Variants in UBE2G1 observed in about 807,000 individuals in gnomAD.
The protein encoded by UBE2G1 is ubiquitin conjugating enzyme E2 G1.
Under a neutral mutation model 22.7 loss-of-function variants are expected in UBE2G1, and 5 were observed. That is an observed-to-expected ratio of 0.22 (90% confidence interval 0.12 to 0.46). UBE2G1 has a LOEUF of 0.46. Ranked by LOEUF, UBE2G1 falls within the 20% of genes least tolerant of loss-of-function variation. The pLI is 0.99. For missense variants in UBE2G1, 88 were observed against 203.9 expected (o/e 0.43, Z 3.46); for synonymous variants, 74 against 67.5 (o/e 1.10, Z -0.47).
intron 2 of UBE2G1, chr17:4,302,428 G>C (rs896487097): frequency 2.0e-6 from 1 of 506,060 alleles, no homozygotes; most frequent in Non-Finnish European, 4.0e-6. Context: ...TTGGCCAACA[G>C]TGGCATCTGT....
At position 4,308,352 on chromosome 17, in the gene UBE2G1, T is replaced by G. The variant is rs369219561; in HGVS notation, c.47-1229A>C. 1.3e-4 allele frequency among the ~76,000 whole-genome samples: 19 copies of G among 150,018 alleles called. No homozygotes were observed. In the East Asian group the frequency reaches 1.8e-3, roughly 14 times the overall value. ...CGGGCAACAAGGGCAAAACTCTGTC[T>G]CAAAAAATATATAAATAAATAAATT... is the stretch of plus-strand genomic sequence containing the variant. On this transcript the variant is annotated intron_variant, in intron 1 of 5. Coordinates refer to ENST00000396981, the MANE Select transcript of UBE2G1 (RefSeq NM_003342.5).
intron 2 of UBE2G1, among the ~76,000 whole-genome samples, chr17:4,299,002 C>T (rs1309126149): frequency 6.6e-6 from 1 of 151,952 alleles, no homozygotes; most frequent in African/African-American, 2.4e-5. Flanking sequence ...TAAGTTAGTG[C>T]CAAAATGGGT....
At position 4,272,384 on chromosome 17, in the gene UBE2G1, T is replaced by C. The variant is rs1968771245; in HGVS notation, c.*170A>G. The C allele has an allele frequency of 5.4e-6, 1 of 186,498 alleles. No homozygotes were observed. 11.6% of individuals were successfully genotyped at this position (186,498 alleles called of 1,614,324 possible). A position where few individuals can be genotyped will look rare whatever the true frequency, so the allele number is the denominator to read the frequency against. ...CTGTAAGTTGGCACTTGTTAGGCTC[T>C]TGTCAGCATTGATAACTGGCATGTT... is the stretch of plus-strand genomic sequence containing the variant. On this transcript the variant is annotated 3_prime_UTR_variant, in exon 6 of 6. Coordinates refer to ENST00000396981, the MANE Select transcript of UBE2G1 (RefSeq NM_003342.5).
rs1298792674 is a variant in UBE2G1 at position 4,310,123 on chromosome 17, A to T, written c.47-3000T>A. Among the ~76,000 whole-genome samples the T allele has an allele frequency of 2.6e-5, 4 of 152,244 alleles. No individual in the cohort carries two copies. The East Asian group carries it at 7.7e-4, about 29-fold the overall frequency. On this transcript the variant is annotated intron_variant, in intron 1 of 5. Transcript: ENST00000396981. ...AGGCTTAATCCATTTAAAGTGATAGAACCTTACCATGCCTTCATGAATGCT... is the reference window on the plus strand; with the variant it reads ...AGGCTTAATCCATTTAAAGTGATAGTACCTTACCATGCCTTCATGAATGCT...
chr17:4,292,200 C>A (rs537412424), intron 3 of UBE2G1, among the ~76,000 whole-genome samples: 2 of 151,676 alleles, frequency 1.3e-5, no homozygotes, highest in Admixed American at 1.3e-4. Context: ...GTGGCACGCA[C>A]CTGTAATCCC....
intron 5 of UBE2G1, among the ~76,000 whole-genome samples, chr17:4,274,319 T>A (rs1407602945): frequency 2.6e-5 from 4 of 151,190 alleles, no homozygotes; most frequent in Non-Finnish European, 5.9e-5. Context: ...TGCCTCAGCC[T>A]CCCGAGTAGC....
intron 2 of UBE2G1, chr17:4,301,959 T>C: frequency 2.1e-6 from 1 of 481,788 alleles, no homozygotes; most frequent in Non-Finnish European, 4.1e-6. Flanking sequence ...AAATGTATTC[T>C]TTCACTAATC....
intron 5 of UBE2G1, among the ~76,000 whole-genome samples, chr17:4,273,483 G>A (rs976727248): frequency 4.6e-5 from 7 of 152,068 alleles, no homozygotes; most frequent in African/African-American, 1.7e-4. Flanking sequence ...TGGGACCACA[G>A]GCACACACCA....
intron 2 of UBE2G1, among the ~76,000 whole-genome samples, chr17:4,298,977 T>A (rs1969142600): frequency 6.6e-6 from 1 of 152,208 alleles, no homozygotes; most frequent in African/African-American, 2.4e-5. Context: ...TATCTACTGA[T>A]CCTGTTGCTC....
chr17:4,327,636 A>C (rs1969517878), intron 1 of UBE2G1, among the ~76,000 whole-genome samples: 1 of 152,186 alleles, frequency 6.6e-6, no homozygotes, highest in South Asian at 2.1e-4. Flanking sequence ...AGAAGGGGGA[A>C]GAGTAGAATG....
chr17:4,327,156 A>T (rs1969511963), intron 1 of UBE2G1, among the ~76,000 whole-genome samples: 1 of 151,380 alleles, frequency 6.6e-6, no homozygotes, highest in South Asian at 2.1e-4. Flanking sequence ...TTAGCCAGGC[A>T]TGGTGGCTCA....
chr17:4,320,843 C>T (rs118101318), intron 1 of UBE2G1, among the ~76,000 whole-genome samples: 277 of 152,114 alleles, frequency 1.8e-3, no homozygotes, highest in Non-Finnish European at 3.4e-3. Flanking sequence ...CTAGATAACT[C>T]GTTCCCACCA....
intron 1 of UBE2G1, among the ~76,000 whole-genome samples, chr17:4,307,552 G>A (rs965560819): frequency 2.6e-5 from 4 of 152,108 alleles, no homozygotes; most frequent in Admixed American, 2.6e-4. Context: ...AATGTACTGC[G>A]CTTAATAACT....
intron 2 of UBE2G1, among the ~76,000 whole-genome samples, chr17:4,306,732 A>G (rs1469807344): frequency 6.7e-6 from 1 of 149,726 alleles, no homozygotes; most frequent in East Asian, 2.0e-4. Context: ...GCTCACTGCA[A>G]TCTCTGCCTC....
chr17:4,279,831 A>G (rs981361861), intron 5 of UBE2G1, among the ~76,000 whole-genome samples: 47 of 140,794 alleles, frequency 3.3e-4, no homozygotes, highest in Non-Finnish European at 5.9e-4. Flanking sequence ...ATATATATAT[A>G]TGAACCTCAG....
At chr17:4,290,107 C>A (rs1181626767) in intron 3 of UBE2G1, among the ~76,000 whole-genome samples, 1 of 151,956 alleles carries the variant, frequency 6.6e-6, no homozygotes, top group African/African-American at 2.4e-5. Flanking sequence ...ATTACTTATT[C>A]ATTAAAAAAA....
chr17:4,320,223 G>T (rs1311456758), intron 1 of UBE2G1, among the ~76,000 whole-genome samples: 1 of 152,046 alleles, frequency 6.6e-6, no homozygotes, highest in Non-Finnish European at 1.5e-5. Flanking sequence ...GGGAATGGAG[G>T]GAAAGGGAGA....
chr17:4,300,052 C>G (rs1277316572), intron 2 of UBE2G1, among the ~76,000 whole-genome samples: 1 of 149,996 alleles, frequency 6.7e-6, no homozygotes, highest in East Asian at 2.0e-4. Context: ...GTCTTGAACT[C>G]CTGACCTTCT....
chr17:4,280,660 G>A (rs374515352), intron 5 of UBE2G1, among the ~76,000 whole-genome samples: 14 of 144,116 alleles, frequency 9.7e-5, no homozygotes, highest in African/African-American at 2.1e-4. Context: ...TTTTTGGAAC[G>A]GAGTTTTGTT....
Sources: allele counts gnomAD v4.1 joint callset (sites outside exome capture counted in the v4.1 genomes callset), GRCh38; gene constraint gnomAD v4.1.1; transcripts MANE v1.5; gene names NCBI Gene and HGNC (gene_info 2026-07-23, HGNC 2026-07-21).